CCDC171: variants seen among roughly 807,000 people sequenced by gnomAD.
CCDC171 encodes coiled-coil domain-containing protein 171.
A neutral mutation model predicts 168.2 loss-of-function variants in CCDC171; 177 were observed. That is an observed-to-expected ratio of 1.05 (90% CI 0.93 to 1.19). The LOEUF (loss-of-function observed/expected upper bound fraction) is 1.19. Among genes scored for constraint, CCDC171 ranks in the 50% most tolerant of loss-of-function variants. The probability of loss-of-function intolerance (pLI) is 0.00; values close to 1 mark genes in which losing one functional copy is unlikely to be tolerated. For synonymous variants in CCDC171, 687 were observed against 540.8 expected, an observed-to-expected ratio of 1.27 and a Z score of -3.75; for missense variants, 1,991 against 1,539.0, an observed-to-expected ratio of 1.29 and a Z score of -4.91.
chr9:15,627,740 T>A (rs200037171), intron 7 of CCDC171, among the ~76,000 whole-genome samples: 2 of 152,122 alleles, frequency 1.3e-5, no homozygotes, highest in Non-Finnish European at 2.9e-5. Flanking sequence ...ACTTCCAACT[T>A]TGTGGTCAGT....
chr9:15,940,396 A>C (rs967411681), intron 25 of CCDC171, among the ~76,000 whole-genome samples: 5 of 151,880 alleles, frequency 3.3e-5, no homozygotes, highest in African/African-American at 9.7e-5. Flanking sequence ...GGAAATTACC[A>C]GTTACACTGG....
chr9:15,639,153 A>T (rs546371529), intron 7 of CCDC171, among the ~76,000 whole-genome samples: 1 of 152,190 alleles, frequency 6.6e-6, no homozygotes, highest in East Asian at 1.9e-4. Flanking sequence ...ATAATTGTTG[A>T]TAAAGACCAC....
intron 7 of CCDC171, among the ~76,000 whole-genome samples, chr9:15,625,158 G>C (rs1395398850): frequency 6.6e-6 from 1 of 152,004 alleles, no homozygotes; most frequent in Non-Finnish European, 1.5e-5. Flanking sequence ...CTTTTTGATG[G>C]GGTTGTTTGA....
intron 24 of CCDC171, among the ~76,000 whole-genome samples, chr9:15,879,126 A>T (rs1818253819): frequency 6.6e-6 from 1 of 152,076 alleles, no homozygotes; most frequent in Non-Finnish European, 1.5e-5. Context: ...AATAAAAGTT[A>T]AAAAAAATCA....
chr9:15,906,733 G>C (rs1822694526), intron 24 of CCDC171, among the ~76,000 whole-genome samples: 1 of 152,146 alleles, frequency 6.6e-6, no homozygotes, highest in Non-Finnish European at 1.5e-5. Flanking sequence ...AAGTCAAATT[G>C]TCCCTGTTTG....
At chr9:15,670,721 T>C (rs2049050447) in intron 9 of CCDC171, among the ~76,000 whole-genome samples, 1 of 152,200 alleles carries the variant, frequency 6.6e-6, no homozygotes, top group South Asian at 2.1e-4. Context: ...TTAACCCATC[T>C]TTTTTTATAG....
chr9:15,583,148 G>A (rs1470969496), intron 4 of CCDC171, among the ~76,000 whole-genome samples: 1 of 152,124 alleles, frequency 6.6e-6, no homozygotes, highest in Admixed American at 6.5e-5. Flanking sequence ...TGGGCGCGGT[G>A]GCTCACGCCT....
At chr9:15,840,497 C>T (rs949372795) in intron 21 of CCDC171, among the ~76,000 whole-genome samples, 23 of 152,016 alleles carry the variant, frequency 1.5e-4, no homozygotes, top group Admixed American at 1.0e-3. Flanking sequence ...ATTCTGTCCC[C>T]TTGTATTTAT....
chr9:16,048,013 A>C (rs977555958), intron 1 of CCDC171, among the ~76,000 whole-genome samples: 50 of 152,214 alleles, frequency 3.3e-4, no homozygotes, highest in African/African-American at 1.1e-3. Context: ...GGAAGGATGA[A>C]CACATTGCCT....
intron 10 of CCDC171, among the ~76,000 whole-genome samples, chr9:15,691,546 T>TTATATATATATATATATATA (rs55892512): frequency 4.5e-4 from 48 of 106,302 alleles, no homozygotes; most frequent in African/African-American, 8.2e-4. Context: ...TATATGTTTT[T>TTATATATATATATATATATA]TATATATATA....
At chr9:15,911,967 G>C (rs1823721796) in intron 24 of CCDC171, among the ~76,000 whole-genome samples, 1 of 152,186 alleles carries the variant, frequency 6.6e-6, no homozygotes, top group Non-Finnish European at 1.5e-5. Flanking sequence ...GGTATAGTTT[G>C]AAGTCAGGTC....
intron 24 of CCDC171, chr9:15,875,896 G>T (rs1817775611): frequency 6.6e-6 from 1 of 151,966 alleles, no homozygotes; most frequent in Non-Finnish European, 1.5e-5. Context: ...TGTTATTTAA[G>T]ATGAGATTTA....
intron 24 of CCDC171, among the ~76,000 whole-genome samples, chr9:15,904,293 A>T (rs1448189812): frequency 1.3e-5 from 2 of 152,226 alleles, no homozygotes. Context: ...CGGGTTGCCC[A>T]CAAAGGGAAG....
At chr9:15,928,990 G>C (rs79944934) in intron 25 of CCDC171, among the ~76,000 whole-genome samples, 7,077 of 151,448 alleles carry the variant, frequency 0.047, 232 homozygotes, top group Non-Finnish European at 0.067. Context: ...CCCAAATCCT[G>C]ATAGTGACTT....
At chr9:15,560,083 G>C (rs1451563094) in intron 1 of CCDC171, among the ~76,000 whole-genome samples, 2 of 152,178 alleles carry the variant, frequency 1.3e-5, no homozygotes, top group Non-Finnish European at 2.9e-5. Context: ...GGCTTGTAGA[G>C]TTTCTGCTGA....
chr9:16,069,972 G>A, the CCDC171 span, among the ~76,000 whole-genome samples: 5 of 152,072 alleles, frequency 3.3e-5, no homozygotes, highest in Non-Finnish European at 5.9e-5. Context: ...CATTCTGTCC[G>A]TCTGCCAGAC....
chr9:16,072,941 A>G, the CCDC171 span, among the ~76,000 whole-genome samples: 2 of 152,212 alleles, frequency 1.3e-5, no homozygotes, highest in African/African-American at 4.8e-5. Flanking sequence ...TTCTTGAATA[A>G]ATTAATTAGT....
chr9:15,632,609 T>C (rs1185284281), intron 7 of CCDC171, among the ~76,000 whole-genome samples: 2 of 151,806 alleles, frequency 1.3e-5, no homozygotes, highest in East Asian at 1.9e-4. Context: ...AGGTAATTTA[T>C]AGATTCAATG....
intron 7 of CCDC171, among the ~76,000 whole-genome samples, chr9:15,624,367 G>A (rs1426419325): frequency 2.0e-5 from 3 of 151,984 alleles, no homozygotes; most frequent in African/African-American, 7.3e-5. Context: ...ACAACATTCA[G>A]GCTTGTTACA....
Sources: gnomAD v4.1 joint callset for allele counts (sites outside exome capture counted in the v4.1 genomes callset) on GRCh38, gnomAD v4.1.1 for gene constraint, MANE v1.5 for transcripts, NCBI Gene and HGNC (gene_info 2026-07-23, HGNC 2026-07-21) for gene names.